Variants in DIAPH2 observed in about 807,000 individuals in gnomAD.
The protein encoded by DIAPH2 is diaphanous related formin 2.
DIAPH2 carries 35 observed loss-of-function variants against 92.7 expected under a neutral mutation model. The observed-to-expected ratio is 0.38, with a 90% CI of 0.29 to 0.50. The LOEUF (loss-of-function observed/expected upper bound fraction) is 0.50. Ranked by LOEUF, DIAPH2 falls within the 20% of genes least tolerant of loss-of-function variation. The probability of loss-of-function intolerance (pLI) is 0.94; values close to 1 mark genes in which losing one functional copy is unlikely to be tolerated. For synonymous variants in DIAPH2, 301 were observed against 280.4 expected, an observed-to-expected ratio of 1.07 and a Z score of -0.73; for missense variants, 701 against 819.5, an observed-to-expected ratio of 0.86 and a Z score of 1.77.
intron 26 of DIAPH2, among the ~76,000 whole-genome samples, chrX:97,486,175 C>G (rs1213514912): frequency 1.8e-5 from 2 of 111,450 alleles, no homozygotes; most frequent in Non-Finnish European, 3.8e-5. Flanking sequence ...ATGGCAATGT[C>G]TTTCATAATT....
intron 26 of DIAPH2, among the ~76,000 whole-genome samples, chrX:97,509,581 A>G (rs1232795360): frequency 1.0e-5 from 1 of 96,153 alleles, no homozygotes; most frequent in African/African-American, 4.0e-5. Context: ...ATATGTATAC[A>G]TGTGCCATGC....
intron 26 of DIAPH2, among the ~76,000 whole-genome samples, chrX:97,587,467 A>G (rs1331327695): frequency 8.9e-6 from 1 of 111,897 alleles, no homozygotes; most frequent in African/African-American, 3.3e-5. Flanking sequence ...AAGAAAAATA[A>G]GTAAATAGTT....
chrX:96,889,698 A>G (rs775514619), intron 5 of DIAPH2, among the ~76,000 whole-genome samples: 2 of 111,850 alleles, frequency 1.8e-5, no homozygotes, highest in East Asian at 5.6e-4. Flanking sequence ...AGGTTGTAAT[A>G]TGAGCTGAGG....
chrX:96,721,748 G>A (rs943224440), intron 1 of DIAPH2, among the ~76,000 whole-genome samples: 1 of 111,823 alleles, frequency 8.9e-6, no homozygotes, highest in Non-Finnish European at 1.9e-5. Context: ...TGTATTTGCT[G>A]CTGGAACCAT....
chrX:96,780,859 G>A (rs1444100746), intron 4 of DIAPH2, among the ~76,000 whole-genome samples: 1 of 106,735 alleles, frequency 9.4e-6, no homozygotes, highest in East Asian at 3.0e-4. Context: ...CCAGGCTGGA[G>A]TGCAGTGGCT....
At chrX:97,178,036 G>A (rs969096185) in intron 22 of DIAPH2, among the ~76,000 whole-genome samples, 1 of 111,259 alleles carries the variant, frequency 9.0e-6, no homozygotes, top group African/African-American at 3.3e-5. Context: ...TGACAAAACA[G>A]TGTTTCTACA....
At position 96,685,070 on chromosome X, in the gene DIAPH2, CG is replaced by C; in HGVS notation, c.16del (p.Ala6ArgfsTer39). On this transcript the variant is annotated frameshift_variant, in exon 1 of 27. Coordinates refer to ENST00000324765, the MANE Select transcript of DIAPH2 (RefSeq NM_006729.5). LOFTEE classifies it high-confidence loss of function. ...AGGGCCGGAGAAAGATGGAGCAGCC[CG>C]GGGCGGCGGCGTCGGGAGCGGGAGG... MEQPGAAASGAGGGS... is the reference protein window; with the variant it reads MEQPXAAASGAGGGS... 2 of 1,001,763 alleles carry C rather than the reference CG, an allele frequency of 2.0e-6. No individual in the cohort carries two copies. Among genetic ancestry groups the C allele is most frequent in the South Asian group, 3.6e-5 (1 of 27,550 alleles). 82.6% of individuals were successfully genotyped at this position (1,001,763 alleles called of 1,213,427 possible).
intron 23 of DIAPH2, among the ~76,000 whole-genome samples, chrX:97,260,241 C>T (rs1232443151): frequency 8.9e-6 from 1 of 112,584 alleles, no homozygotes; most frequent in Non-Finnish European, 1.9e-5. Context: ...AGTTGGAACA[C>T]AGTGGTGAAC....
At chrX:97,107,917 A>G (rs2066952867) in intron 20 of DIAPH2, among the ~76,000 whole-genome samples, 1 of 110,777 alleles carries the variant, frequency 9.0e-6, no homozygotes. Flanking sequence ...GATGATAGAA[A>G]TAACCCTAAA....
chrX:96,786,922 T>C (rs2064460395), intron 4 of DIAPH2, among the ~76,000 whole-genome samples: 1 of 112,190 alleles, frequency 8.9e-6, no homozygotes, highest in African/African-American at 3.2e-5. Flanking sequence ...AAAATAACTT[T>C]ATATTATGTA....
chrX:97,229,825 TAAC>T (rs1293666247), intron 22 of DIAPH2, among the ~76,000 whole-genome samples: 6 of 71,918 alleles, frequency 8.3e-5, no homozygotes, highest in South Asian at 1.4e-3. Context: ...TTATATATAA[TAAC>T]AATATTACAT....
intron 21 of DIAPH2, among the ~76,000 whole-genome samples, chrX:97,120,379 C>T (rs1245229480): frequency 9.0e-6 from 1 of 110,798 alleles, no homozygotes; most frequent in African/African-American, 3.3e-5. Flanking sequence ...AATTTGGGCA[C>T]TCACAGTATT....
At chrX:97,118,602 C>T (rs979036170) in intron 21 of DIAPH2, among the ~76,000 whole-genome samples, 4 of 111,894 alleles carry the variant, frequency 3.6e-5, no homozygotes, top group Non-Finnish European at 7.5e-5. Flanking sequence ...CCTCAAGAAG[C>T]TTGTGGTACA....
intron 26 of DIAPH2, among the ~76,000 whole-genome samples, chrX:97,465,588 T>G (rs1218926098): frequency 2.7e-5 from 3 of 111,963 alleles, no homozygotes; most frequent in East Asian, 5.6e-4. Context: ...CTTGAGCATC[T>G]GCTAATTTTC....
chrX:97,160,368 G>T (rs1349114340), intron 22 of DIAPH2, among the ~76,000 whole-genome samples: 1 of 112,485 alleles, frequency 8.9e-6, no homozygotes, highest in Non-Finnish European at 1.9e-5. Flanking sequence ...TTATCCTGGG[G>T]TGGTAAGTAG....
chrX:97,315,678 T>C (rs1398515114), intron 23 of DIAPH2, among the ~76,000 whole-genome samples: 1 of 110,782 alleles, frequency 9.0e-6, no homozygotes, highest in Non-Finnish European at 1.9e-5. Flanking sequence ...TTTTTTTTTT[T>C]TTAAACCACA....
At chrX:97,411,364 G>A (rs1422044686) in intron 25 of DIAPH2, among the ~76,000 whole-genome samples, 2 of 111,885 alleles carry the variant, frequency 1.8e-5, no homozygotes, top group Non-Finnish European at 3.8e-5. Context: ...GAGAGATTGT[G>A]TCACCACCAG....
At chrX:96,911,291 G>C (rs868683603) in intron 5 of DIAPH2, among the ~76,000 whole-genome samples, 8 of 111,557 alleles carry the variant, frequency 7.2e-5, no homozygotes, top group Admixed American at 5.7e-4. Flanking sequence ...CTTATTAAAG[G>C]AAAGATAACT....
chrX:97,434,702 A>G (rs2070164088), intron 26 of DIAPH2, among the ~76,000 whole-genome samples: 1 of 111,093 alleles, frequency 9.0e-6, no homozygotes, highest in Admixed American at 9.6e-5. Context: ...GAGCTACCGC[A>G]CCCAGCCGTA....
Sources: gnomAD v4.1 joint callset for allele counts (sites outside exome capture counted in the v4.1 genomes callset) on GRCh38, gnomAD v4.1.1 for gene constraint, MANE v1.5 for transcripts, NCBI Gene and HGNC (gene_info 2026-07-23, HGNC 2026-07-21) for gene names.